The following ZNF385D variants were observed in gnomAD, a reference collection of about 807,000 sequenced individuals.
The protein encoded by ZNF385D is zinc finger protein 385D, also known as zinc finger protein 659.
ZNF385D carries 15 observed loss-of-function variants against 35.8 expected under a neutral mutation model. That is an observed-to-expected ratio of 0.42 (90% CI 0.28 to 0.64). The LOEUF (loss-of-function observed/expected upper bound fraction) is 0.64. ZNF385D is among the 30% of genes least tolerant of loss of function. The pLI is 0.23. For synonymous variants in ZNF385D, 212 were observed against 186.8 expected, an observed-to-expected ratio of 1.13 and a Z score of -1.10; for missense variants, 474 against 494.6, an observed-to-expected ratio of 0.96 and a Z score of 0.39.
At chr3:22,355,269 C>T (rs374947094) in intron 2 of ZNF385D, among the ~76,000 whole-genome samples, 20 of 151,952 alleles carry the variant, frequency 1.3e-4, no homozygotes, top group East Asian at 5.8e-4. Flanking sequence ...GAAGAAATTC[C>T]CATAAGTTGA....
At position 22,008,360 on chromosome 3, in the gene ZNF385D, C is replaced by CATTTTTTTTTTTTTTTTTTTTTTT. The variant is rs773952386; in HGVS notation, c.325+160456_325+160457insAAAAAAAAAAAAAAAAAAAAAAAT. ...TCACTTTCATACAGGCCATGATTTT[C>CATTTTTTTTTTTTTTTTTTTTTTT]TTTTTTTTTTTTGAGGCGGAGTCTC... On this transcript the variant is annotated intron_variant, in intron 3 of 5. Transcript: ENST00000494108. 3.8e-5 allele frequency among the ~76,000 whole-genome samples: 5 copies of CATTTTTTTTTTTTTTTTTTTTTTT among 131,938 alleles called. 1 individual carries two copies. Among genetic ancestry groups the CATTTTTTTTTTTTTTTTTTTTTTT allele is most frequent in the African/African-American group, 9.1e-5 (3 of 33,070 alleles). The allele number at this position is 131,938 out of a possible 152,430, so 86.6% of individuals were successfully genotyped here. A position where few individuals can be genotyped will look rare whatever the true frequency, so the allele number is the denominator to read the frequency against.
At chr3:21,967,317 A>T (rs1702968187) in intron 3 of ZNF385D, among the ~76,000 whole-genome samples, 1 of 152,180 alleles carries the variant, frequency 6.6e-6, no homozygotes. Flanking sequence ...TTACTGTCTT[A>T]TATGTTGGCA....
At chr3:22,099,970 T>C (rs1487741225) in intron 3 of ZNF385D, among the ~76,000 whole-genome samples, 1 of 151,560 alleles carries the variant, frequency 6.6e-6, no homozygotes, top group South Asian at 2.1e-4. Context: ...TAAAATGAAC[T>C]CAAACAAATT....
chr3:21,587,768 G>A (rs1229854202), intron 2 of ZNF385D, among the ~76,000 whole-genome samples: 1 of 152,108 alleles, frequency 6.6e-6, no homozygotes, highest in Non-Finnish European at 1.5e-5. Flanking sequence ...CCATTCCTGG[G>A]AAAGCACTGA....
intron 2 of ZNF385D, among the ~76,000 whole-genome samples, chr3:21,613,573 T>G (rs1441758788): frequency 1.3e-5 from 2 of 152,186 alleles, no homozygotes; most frequent in Non-Finnish European, 2.9e-5. Context: ...CACGTGACAT[T>G]TGGTCAAGAT....
At chr3:21,961,855 T>C (rs1478590639) in intron 3 of ZNF385D, among the ~76,000 whole-genome samples, 1 of 151,982 alleles carries the variant, frequency 6.6e-6, no homozygotes, top group African/African-American at 2.4e-5. Flanking sequence ...TTTGCAGAAG[T>C]TGAGATAAAA....
chr3:22,216,626 G>A (rs1384038816), intron 2 of ZNF385D, among the ~76,000 whole-genome samples: 2 of 152,142 alleles, frequency 1.3e-5, no homozygotes, highest in African/African-American at 4.8e-5. Context: ...TAAGAGTGAG[G>A]AATGAGTCAG....
chr3:21,584,861 A>G (rs1218353440), intron 2 of ZNF385D, among the ~76,000 whole-genome samples: 2 of 152,168 alleles, frequency 1.3e-5, no homozygotes, highest in Non-Finnish European at 2.9e-5. Flanking sequence ...CTAGTTTTCT[A>G]TTCCATGCAC....
chr3:22,096,955 C>G (rs1701667068), intron 3 of ZNF385D, among the ~76,000 whole-genome samples: 1 of 152,102 alleles, frequency 6.6e-6, no homozygotes, highest in Non-Finnish European at 1.5e-5. Flanking sequence ...ACATTAGGAA[C>G]TTCCACTTCC....
chr3:22,165,998 G>C (rs536461220), intron 3 of ZNF385D, among the ~76,000 whole-genome samples: 3 of 149,446 alleles, frequency 2.0e-5, no homozygotes, highest in African/African-American at 7.3e-5. Context: ...CAGATAATGT[G>C]ATTGACACTT....
At chr3:21,517,929 G>A (rs1187140249) in intron 3 of ZNF385D, among the ~76,000 whole-genome samples, 1 of 152,208 alleles carries the variant, frequency 6.6e-6, no homozygotes, top group African/African-American at 2.4e-5. Context: ...CATAGTGTGG[G>A]CTTGGGACAC....
At chr3:21,891,686 A>G (rs1698875095) in intron 3 of ZNF385D, among the ~76,000 whole-genome samples, 1 of 152,228 alleles carries the variant, frequency 6.6e-6, no homozygotes, top group African/African-American at 2.4e-5. Context: ...ACAAGTGGTT[A>G]CATTAGTTTG....
intron 3 of ZNF385D, among the ~76,000 whole-genome samples, chr3:21,823,741 G>A (rs1426219932): frequency 6.6e-6 from 1 of 152,150 alleles, no homozygotes; most frequent in African/African-American, 2.4e-5. Context: ...AGAATACACA[G>A]TAAATGCAAA....
At chr3:22,305,251 T>C (rs74684710) in intron 2 of ZNF385D, among the ~76,000 whole-genome samples, 2 of 152,204 alleles carry the variant, frequency 1.3e-5, no homozygotes, top group Non-Finnish European at 2.9e-5. Context: ...CCTTAACATT[T>C]ATCTGCTACT....
intron 1 of ZNF385D, among the ~76,000 whole-genome samples, chr3:21,684,053 C>T (rs1048783459): frequency 8.0e-5 from 12 of 149,676 alleles, no homozygotes; most frequent in Admixed American, 2.0e-4. Context: ...TAATTAATTA[C>T]GCAGAAATAG....
intron 3 of ZNF385D, among the ~76,000 whole-genome samples, chr3:21,879,179 A>T (rs1411730827): frequency 6.6e-6 from 1 of 152,058 alleles, no homozygotes; most frequent in East Asian, 1.9e-4. Flanking sequence ...ATTTTTAAAA[A>T]TCATGAATGG....
chr3:22,281,179 A>C (rs1292796510), intron 2 of ZNF385D, among the ~76,000 whole-genome samples: 1 of 152,074 alleles, frequency 6.6e-6, no homozygotes, highest in Non-Finnish European at 1.5e-5. Context: ...TGTCATCAGC[A>C]AACAGTGACA....
chr3:22,235,096 T>G (rs965838477), intron 2 of ZNF385D, among the ~76,000 whole-genome samples: 1 of 152,156 alleles, frequency 6.6e-6, no homozygotes, highest in African/African-American at 2.4e-5. Context: ...TAATTTCTGA[T>G]AAGTTTATTA....
At chr3:22,327,723 G>T (rs1035170664) in intron 2 of ZNF385D, among the ~76,000 whole-genome samples, 3 of 152,170 alleles carry the variant, frequency 2.0e-5, no homozygotes, top group Admixed American at 6.5e-5. Context: ...AGGGTGATGT[G>T]TATTTAAACG....
Sources: allele counts gnomAD v4.1 joint callset (sites outside exome capture counted in the v4.1 genomes callset), GRCh38; gene constraint gnomAD v4.1.1; transcripts MANE v1.5; gene names NCBI Gene and HGNC (gene_info 2026-07-23, HGNC 2026-07-21).